LAMA2: variants seen among roughly 807,000 people sequenced by gnomAD.
LAMA2 encodes laminin subunit alpha-2.
A neutral mutation model predicts 364.8 loss-of-function variants in LAMA2; 269 were observed. That is an observed-to-expected ratio of 0.74 (90% confidence interval 0.67 to 0.82). The LOEUF (loss-of-function observed/expected upper bound fraction) is 0.82. Ranked by LOEUF, LAMA2 falls within the 40% of genes least tolerant of loss-of-function variation. The pLI is 0.00. For synonymous variants in LAMA2, 1,379 were observed against 1,370.6 expected (o/e 1.01, Z -0.14); for missense variants, 3,807 against 3,873.2 (o/e 0.98, Z 0.45).
In LAMA2 at chr6:129,355,540, G is replaced by A. The variant is rs1053281500; in HGVS notation, c.4717+2183G>A. Among the ~76,000 whole-genome samples the A allele has an allele frequency of 2.6e-5, 4 of 152,222 alleles. No homozygotes were observed. In the East Asian group the frequency reaches 5.8e-4, roughly 22 times the overall value. On this transcript the variant is annotated intron_variant, in intron 32 of 64. Coordinates refer to ENST00000421865, the MANE Select transcript of LAMA2 (RefSeq NM_000426.4). ...GAGACCAAAAAATGGATTCACCTGGGGTGTTTGATCTGCAGGACCTGTTTT... is the reference window on the plus strand; with the variant it reads ...GAGACCAAAAAATGGATTCACCTGGAGTGTTTGATCTGCAGGACCTGTTTT...
chr6:129,398,305 A>G (rs1779770530), intron 37 of LAMA2, among the ~76,000 whole-genome samples: 1 of 152,014 alleles, frequency 6.6e-6, no homozygotes, highest in Non-Finnish European at 1.5e-5. Context: ...AATCAGGGAG[A>G]TTGTAATCAG....
intron 12 of LAMA2, among the ~76,000 whole-genome samples, chr6:129,207,923 G>T (rs1196276484): frequency 6.6e-6 from 1 of 152,172 alleles, no homozygotes; most frequent in Non-Finnish European, 1.5e-5. Flanking sequence ...GGAAAAGGCT[G>T]GTTGATTTCA....
chr6:129,070,541 A>G (rs1773242949), intron 3 of LAMA2, among the ~76,000 whole-genome samples: 1 of 146,220 alleles, frequency 6.8e-6, no homozygotes, highest in African/African-American at 2.7e-5. Context: ...CTTTTGTAAC[A>G]GCTTCTTTAC....
chr6:129,222,436 G>A (rs1287629075), intron 12 of LAMA2, among the ~76,000 whole-genome samples: 3 of 151,504 alleles, frequency 2.0e-5, no homozygotes, highest in Non-Finnish European at 4.4e-5. Flanking sequence ...TTGGTGTGCT[G>A]CATCCATTAA....
At chr6:129,059,982 AGGATACTC>A in intron 3 of LAMA2, 86 bp downstream of exon 3, 2 of 770,022 alleles carry the variant, frequency 2.6e-6, no homozygotes, top group Non-Finnish European at 2.3e-6. Flanking sequence ...TGTGGGTGAA[AGGATACTC>A]TTTCTTATCA....
At chr6:129,425,235 G>A (rs1781268145) in intron 40 of LAMA2, among the ~76,000 whole-genome samples, 2 of 151,868 alleles carry the variant, frequency 1.3e-5, no homozygotes, top group Admixed American at 1.3e-4. Context: ...ATTGTAAATT[G>A]GTTTGCATGG....
chr6:128,925,467 C>G (rs965833562), intron 1 of LAMA2, among the ~76,000 whole-genome samples: 1 of 152,046 alleles, frequency 6.6e-6, no homozygotes, highest in Admixed American at 6.6e-5. Flanking sequence ...ATCATAGAGA[C>G]AGAAAGTATA....
intron 1 of LAMA2, among the ~76,000 whole-genome samples, chr6:128,924,764 A>C (rs868531989): frequency 2.9e-4 from 44 of 152,174 alleles, no homozygotes; most frequent in African/African-American, 1.0e-3. Context: ...CTGTAGGCCA[A>C]CCACCCCTTC....
intron 12 of LAMA2, among the ~76,000 whole-genome samples, chr6:129,201,227 G>C (rs1179383996): frequency 2.0e-5 from 3 of 152,122 alleles, no homozygotes; most frequent in Non-Finnish European, 2.9e-5. Flanking sequence ...TTGGTATATT[G>C]AGAAAAAAGC....
At chr6:129,210,920 T>C (rs111748376) in intron 12 of LAMA2, among the ~76,000 whole-genome samples, 2,862 of 152,082 alleles carry the variant, frequency 0.019, 80 homozygotes, top group African/African-American at 0.066. Context: ...GGCTGGTGCT[T>C]GTTACAGTGG....
At chr6:129,170,728 T>C (rs1020689436) in intron 9 of LAMA2, among the ~76,000 whole-genome samples, 3 of 152,014 alleles carry the variant, frequency 2.0e-5, no homozygotes, top group African/African-American at 7.2e-5. Flanking sequence ...TGTTGACTTC[T>C]TGTTGACTTT....
intron 1 of LAMA2, among the ~76,000 whole-genome samples, chr6:129,023,372 C>A (rs957095481): frequency 6.6e-6 from 1 of 152,166 alleles, no homozygotes; most frequent in Non-Finnish European, 1.5e-5. Context: ...TCTGTGTAAT[C>A]CTTACATACC....
At chr6:129,311,802 A>G (rs1774247926) in intron 22 of LAMA2, among the ~76,000 whole-genome samples, 1 of 152,232 alleles carries the variant, frequency 6.6e-6, no homozygotes, top group African/African-American at 2.4e-5. Context: ...AAATTATTCA[A>G]AAGAAGTTAA....
At chr6:129,165,036 T>C (rs1265557618) in intron 8 of LAMA2, among the ~76,000 whole-genome samples, 1 of 152,192 alleles carries the variant, frequency 6.6e-6, no homozygotes, top group Non-Finnish European at 1.5e-5. Flanking sequence ...GTGAACTTAG[T>C]TAATTGAGAT....
At chr6:129,505,153 T>G in intron 60 of LAMA2, 47 bp from the exon 61 acceptor site, 1 of 1,543,452 alleles carries the variant, frequency 6.5e-7, no homozygotes, top group Non-Finnish European at 9.0e-7. Context: ...TCTGCATATG[T>G]GAAATTTGTT....
chr6:128,989,867 C>A (rs1783498335), intron 1 of LAMA2, among the ~76,000 whole-genome samples: 2 of 152,142 alleles, frequency 1.3e-5, no homozygotes, highest in Non-Finnish European at 2.9e-5. Context: ...TGAGTACCTG[C>A]TTTCCTGTTT....
chr6:129,272,880 A>T, intron 17 of LAMA2, among the ~76,000 whole-genome samples: 1 of 152,102 alleles, frequency 6.6e-6, no homozygotes, highest in East Asian at 1.9e-4. Flanking sequence ...TGATGATCTG[A>T]CGTGGAACAG....
rs1244006067 is a variant in LAMA2 at position 129,494,413 on chromosome 6, TAG to T, written c.8244+1933_8244+1934del. Among the ~76,000 whole-genome samples the T allele has an allele frequency of 7.2e-5, 11 of 152,328 alleles. No homozygotes were observed. The East Asian group carries it at 2.1e-3, about 29-fold the overall frequency. ...TATTTCATCTATCTTGCCTACAACA[TAG>T]AGTTATGAAAAATCAAATGGGATAA... On this transcript the variant is annotated intron_variant, in intron 58 of 64. Coordinates refer to ENST00000421865, the MANE Select transcript of LAMA2 (RefSeq NM_000426.4).
intron 1 of LAMA2, among the ~76,000 whole-genome samples, chr6:128,940,095 A>G (rs74883915): frequency 0.029 from 4,371 of 150,440 alleles, 215 homozygotes; most frequent in African/African-American, 0.099. Flanking sequence ...TGTTTTGTTC[A>G]TAATGGATTT....
Sources: gnomAD v4.1 joint callset for allele counts (sites outside exome capture counted in the v4.1 genomes callset) on GRCh38, gnomAD v4.1.1 for gene constraint, MANE v1.5 for transcripts, NCBI Gene and HGNC (gene_info 2026-07-23, HGNC 2026-07-21) for gene names.